Variants in PTPN11 observed in about 807,000 individuals in gnomAD.
PTPN11 encodes protein tyrosine phosphatase non-receptor type 11.
In PTPN11, 6 loss-of-function variants were observed where a neutral mutation model predicts 78.8. The observed-to-expected ratio is 0.08, with a 90% confidence interval of 0.04 to 0.15. PTPN11 has a LOEUF of 0.15. Ranked by LOEUF, PTPN11 falls within the 10% of genes least tolerant of loss-of-function variation. The pLI is 1.00. For missense variants in PTPN11, 386 were observed against 744.8 expected, an observed-to-expected ratio of 0.52 and a Z score of 5.61; for synonymous variants, 221 against 263.5, an observed-to-expected ratio of 0.84 and a Z score of 1.56.
rs2038955386 is a variant in PTPN11, at chr12:112,507,972, T to C, written c.*2180T>C. ...CAGTTCAGTATTTGCAGCAAGAAGC[T>C]TGAATGCTGTTCTTTTTATCGCATT... On this transcript the variant is annotated 3_prime_UTR_variant, in exon 16 of 16. Transcript: ENST00000351677. 6.5e-6 allele frequency: 1 copy of C among 152,698 alleles called. No individual in the cohort carries two copies. The highest frequency in any genetic ancestry group is 6.5e-5 in the Admixed American group (1 of 15,278). 9.5% of individuals were successfully genotyped at this position (152,698 alleles called of 1,614,324 possible).
At chr12:112,439,339 G>A (rs1242501329) in intron 1 of PTPN11, among the ~76,000 whole-genome samples, 1 of 152,044 alleles carries the variant, frequency 6.6e-6, no homozygotes, top group African/African-American at 2.4e-5. Flanking sequence ...TTTTGCCGAG[G>A]CTGGAGTGGA....
intron 6 of PTPN11, among the ~76,000 whole-genome samples, chr12:112,469,837 T>C (rs2038385981): frequency 6.6e-6 from 1 of 152,160 alleles, no homozygotes; most frequent in African/African-American, 2.4e-5. Context: ...TTTTGAAATA[T>C]ATTTTGTGAA....
chr12:112,496,690 A>G (rs965087968), intron 13 of PTPN11, among the ~76,000 whole-genome samples: 5 of 152,076 alleles, frequency 3.3e-5, no homozygotes, highest in African/African-American at 9.7e-5. Context: ...TCACCAACCT[A>G]TCTACTCATT....
rs1555265315 is a variant in PTPN11, at chr12:112,424,889, GTA to G, written c.14+5766_14+5767del. On this transcript the variant is annotated intron_variant, in intron 1 of 15. Coordinates refer to ENST00000351677, the MANE Select transcript of PTPN11 (RefSeq NM_002834.5). The stretch of plus-strand genomic sequence containing the variant: ...TAATTGTGTGTGTGTGTGTGTGTGT[GTA>G]TGTGTGTGTGTGTGTGTGTGTGTGT... 4.1e-3 allele frequency among the ~76,000 whole-genome samples: 555 copies of G among 134,146 alleles called. 16 individuals carry two copies. Among genetic ancestry groups the G allele is most frequent in the Admixed American group, 9.7e-3 (116 of 11,990 alleles). 88.0% of individuals were successfully genotyped at this position (134,146 alleles called of 152,430 possible).
intron 1 of PTPN11, among the ~76,000 whole-genome samples, chr12:112,421,736 C>T (rs2037524652): frequency 6.6e-6 from 1 of 152,004 alleles, no homozygotes; most frequent in Non-Finnish European, 1.5e-5. Context: ...CAATCCATCC[C>T]CCCTCCTCAG....
At chr12:112,460,619 G>A (rs760717883) in intron 6 of PTPN11, among the ~76,000 whole-genome samples, 6 of 152,012 alleles carry the variant, frequency 3.9e-5, no homozygotes, top group Non-Finnish European at 8.8e-5. Flanking sequence ...TGAGGTGGGC[G>A]GATCACGAGG....
chr12:112,492,719 G>A (rs548237209), intron 13 of PTPN11, among the ~76,000 whole-genome samples: 20 of 152,056 alleles, frequency 1.3e-4, no homozygotes, highest in South Asian at 4.2e-4. Context: ...GGGTCTCACC[G>A]TGTTAGCCAG....
intron 6 of PTPN11, among the ~76,000 whole-genome samples, chr12:112,468,024 C>T (rs550840193): frequency 2.6e-5 from 4 of 152,318 alleles, no homozygotes; most frequent in African/African-American, 9.6e-5. Flanking sequence ...TAGACTCCTG[C>T]AGTCAGGTGT....
chr12:112,492,230 C>T (rs2038755350), intron 13 of PTPN11, among the ~76,000 whole-genome samples: 1 of 152,164 alleles, frequency 6.6e-6, no homozygotes, highest in African/African-American at 2.4e-5. Context: ...ACATCAGGTA[C>T]ACACTGTTGA....
At chr12:112,443,212 A>C (rs1167138739) in intron 1 of PTPN11, among the ~76,000 whole-genome samples, 3 of 152,060 alleles carry the variant, frequency 2.0e-5, no homozygotes, top group Non-Finnish European at 4.4e-5. Context: ...AACAACAACA[A>C]AAACTGTTCC....
At chr12:112,505,251 G>A (rs1261687657) in intron 15 of PTPN11, among the ~76,000 whole-genome samples, 5 of 152,136 alleles carry the variant, frequency 3.3e-5, no homozygotes, top group African/African-American at 4.8e-5. Flanking sequence ...CTTGGCTGCC[G>A]ACTGGGTCAC....
At chr12:112,477,264 G>T (rs1485351231) in intron 7 of PTPN11, among the ~76,000 whole-genome samples, 1 of 152,102 alleles carries the variant, frequency 6.6e-6, no homozygotes, top group Non-Finnish European at 1.5e-5. Flanking sequence ...TGATCCACCT[G>T]CCTTGGCCTC....
intron 14 of PTPN11, 88 bp downstream of exon 14, chr12:112,502,344 T>A (rs1202854476): frequency 1.9e-6 from 2 of 1,052,098 alleles, no homozygotes; most frequent in African/African-American, 3.1e-5. Flanking sequence ...AACACAAGTT[T>A]GTAGCACATG....
chr12:112,438,429 A>G (rs2037828979), intron 1 of PTPN11, among the ~76,000 whole-genome samples: 1 of 151,364 alleles, frequency 6.6e-6, no homozygotes, highest in African/African-American at 2.4e-5. Context: ...GCTTAGATGA[A>G]CCTCCCACCT....
chr12:112,429,975 C>T (rs1378977302), intron 1 of PTPN11, among the ~76,000 whole-genome samples: 3 of 152,134 alleles, frequency 2.0e-5, no homozygotes, highest in African/African-American at 7.2e-5. Flanking sequence ...GTAAGTATAG[C>T]TGTAATTTTA....
At chr12:112,497,613 T>C (rs545383385) in intron 13 of PTPN11, among the ~76,000 whole-genome samples, 1 of 152,326 alleles carries the variant, frequency 6.6e-6, no homozygotes, top group Admixed American at 6.5e-5. Flanking sequence ...GGTTGTACTG[T>C]GCCAGGCACT....
intron 13 of PTPN11, among the ~76,000 whole-genome samples, chr12:112,496,653 T>C (rs1475674658): frequency 6.6e-6 from 1 of 152,250 alleles, no homozygotes; most frequent in African/African-American, 2.4e-5. Flanking sequence ...CTTCTTTCTC[T>C]AACAGGGAGA....
chr12:112,431,868 A>G (rs548664859), intron 1 of PTPN11, among the ~76,000 whole-genome samples: 2 of 152,224 alleles, frequency 1.3e-5, no homozygotes, highest in African/African-American at 2.4e-5. Context: ...TAATGGAAAA[A>G]TCTGATAAAT....
At chr12:112,495,752 A>C (rs1301842774) in intron 13 of PTPN11, among the ~76,000 whole-genome samples, 1 of 152,238 alleles carries the variant, frequency 6.6e-6, no homozygotes, top group Non-Finnish European at 1.5e-5. Context: ...GGACACTTAC[A>C]TTAGCCTACA....
Sources: allele counts gnomAD v4.1 joint callset (sites outside exome capture counted in the v4.1 genomes callset), GRCh38; gene constraint gnomAD v4.1.1; transcripts MANE v1.5; gene names NCBI Gene and HGNC (gene_info 2026-07-23, HGNC 2026-07-21).